The following PSMD6 variants were observed in gnomAD, a reference collection of about 807,000 sequenced individuals.
The protein encoded by PSMD6 is 26S proteasome non-ATPase regulatory subunit 6.
PSMD6 carries 7 observed loss-of-function variants against 44.9 expected under a neutral mutation model. That is an observed-to-expected ratio of 0.16 (90% CI 0.09 to 0.29). The LOEUF (loss-of-function observed/expected upper bound fraction) is 0.29. Ranked by LOEUF, PSMD6 falls within the 10% of genes least tolerant of loss-of-function variation. The pLI is 1.00. For synonymous variants in PSMD6, 184 were observed against 172.7 expected (o/e 1.07, Z -0.51); for missense variants, 420 against 482.6 (o/e 0.87, Z 1.21).
rs200913854 is a variant in PSMD6 at position 64,010,870 on chromosome 3, G to A, written c.1073+8C>T. ...AGGAATGCCCCTTATTCTGAGAAATGAGAGTACCTGTTGGTTTCTACTATT... is the reference window on the plus strand; with the variant it reads ...AGGAATGCCCCTTATTCTGAGAAATAAGAGTACCTGTTGGTTTCTACTATT... On this transcript the variant is annotated splice_region_variant and intron_variant, in intron 7 of 7. Coordinates refer to ENST00000295901, the MANE Select transcript of PSMD6 (RefSeq NM_014814.3). 278 of 1,600,444 alleles carry A rather than the reference G, an allele frequency of 1.7e-4. No homozygotes were observed. The highest frequency in any genetic ancestry group is 2.0e-4 in the Non-Finnish European group (239 of 1,169,876).
rs2076095658 is a variant in PSMD6, at chr3:64,019,362, A to AGATAGAATACAATATCCAATC, written c.410_430dup (p.Arg137_Tyr143dup). On this transcript the variant is annotated inframe_insertion, in exon 3 of 8. Transcript: ENST00000295901. ...CATATAAAATAAGCCAATCCTAAGG[A>AGATAGAATACAATATCCAATC]GATAGAATACAATATCCAATCGGTG... 6.2e-7 allele frequency: 1 copy of AGATAGAATACAATATCCAATC among 1,604,126 alleles called. No homozygotes were observed. Among genetic ancestry groups the AGATAGAATACAATATCCAATC allele is most frequent in the Non-Finnish European group, 8.5e-7 (1 of 1,171,036 alleles).
At chr3:64,013,206 CACTT>C (rs1249270976) in intron 6 of PSMD6, 4 of 413,630 alleles carry the variant, frequency 9.7e-6, no homozygotes, top group Non-Finnish European at 1.7e-5. Flanking sequence ...TTTAACAAAT[CACTT>C]AGCCTCACTA....
In PSMD6 at chr3:64,010,868, A is replaced by G; in HGVS notation, c.1073+10T>C. Reference sequence around the variant, plus strand: ...TTAGGAATGCCCCTTATTCTGAGAAATGAGAGTACCTGTTGGTTTCTACTA... The same window carrying G: ...TTAGGAATGCCCCTTATTCTGAGAAGTGAGAGTACCTGTTGGTTTCTACTA... On this transcript the variant is annotated intron_variant, in intron 7 of 7. Transcript: ENST00000295901. 1.9e-6 allele frequency: 3 copies of G among 1,599,708 alleles called. No homozygotes were observed. Among genetic ancestry groups the G allele is most frequent in the African/African-American group, 2.7e-5 (2 of 74,500 alleles).
Position 64,010,951 on chromosome 3 carries a change from G to C in PSMD6, c.1000C>G (p.Leu334Val). The change falls in exon 7 of 8, where the codon CTG becomes GTG. Residue 334 changes from leucine to valine, a missense_variant. Transcript: ENST00000295901. ...CTCCCGGCAGCAATAAACCTGGACAGTTCCCTAATTTAGAGACAAAAAATA... is the reference window on the plus strand; with the variant it reads ...CTCCCGGCAGCAATAAACCTGGACACTTCCCTAATTTAGAGACAAAAAATA... ...GVGVEFIDQE[L>V]SRFIAAGRLH... The C allele has an allele frequency of 6.3e-7, 1 of 1,594,390 alleles. No individual in the cohort carries two copies. Among genetic ancestry groups the C allele is most frequent in the Non-Finnish European group, 8.5e-7 (1 of 1,169,828 alleles).
intron 2 of PSMD6, chr3:64,019,686 G>C (rs1224211588): frequency 9.9e-6 from 4 of 405,642 alleles, no homozygotes; most frequent in Non-Finnish European, 1.7e-5. Flanking sequence ...CTTAGATTCA[G>C]GAAAACAATT....
At chr3:64,013,646 G>GTTTCAGATAAAAAGATTA in intron 5 of PSMD6, 39 bp from the exon 6 acceptor site, 3 of 1,525,808 alleles carry the variant, frequency 2.0e-6, no homozygotes, top group Non-Finnish European at 2.6e-6. Flanking sequence ...TAGACTCTCC[G>GTTTCAGATAAAAAGATTA]TTTCAGATAA....
At chr3:64,011,146 C>T (rs1414608215) in intron 6 of PSMD6, 191 bp from the exon 7 acceptor site, 1 of 493,220 alleles carries the variant, frequency 2.0e-6, no homozygotes. Flanking sequence ...CTAGAATAAA[C>T]ATGATCCTAG....
intron 1 of PSMD6, 63 bp downstream of exon 1, chr3:64,023,212 G>A: frequency 6.7e-7 from 1 of 1,486,748 alleles, no homozygotes; most frequent in Non-Finnish European, 9.0e-7. Context: ...AGTCCCCGCA[G>A]GCTCCGGAAC....
intron 5 of PSMD6, 75 bp downstream of exon 5, chr3:64,018,524 C>G (rs1482527690): frequency 8.2e-6 from 9 of 1,097,680 alleles, no homozygotes; most frequent in Non-Finnish European, 1.1e-5. Flanking sequence ...GGTGAAAAAT[C>G]GTCTTAGGTT....
At position 64,010,686 on chromosome 3, in the gene PSMD6, G is replaced by GGAAAGTTTTTGAACTCTGTTTAGTAGC; in HGVS notation, c.1125_1151dup (p.Leu376_Ser384dup). 6.3e-7 allele frequency: 1 copy of GGAAAGTTTTTGAACTCTGTTTAGTAGC among 1,599,130 alleles called. No homozygotes were observed. Among genetic ancestry groups the GGAAAGTTTTTGAACTCTGTTTAGTAGC allele is most frequent in the Non-Finnish European group, 8.6e-7 (1 of 1,168,234 alleles). The stretch of plus-strand genomic sequence containing the variant: ...CATGGCTTTACATATTAATTACTCT[G>GGAAAGTTTTTGAACTCTGTTTAGTAGC]GAAAGTTTTTGAACTCTGTTTAGTA... On this transcript the variant is annotated inframe_insertion, in exon 8 of 8. Transcript: ENST00000295901.
chr3:64,018,531 G>C, intron 5 of PSMD6, 68 bp downstream of exon 5: 8 of 1,204,626 alleles, frequency 6.6e-6, no homozygotes, highest in Non-Finnish European at 9.6e-6. Context: ...AATCGTCTTA[G>C]GTTATTTGCA....
chr3:64,012,631 T>C (rs1559673228), intron 6 of PSMD6: 1 of 152,132 alleles, frequency 6.6e-6, no homozygotes, highest in African/African-American at 2.4e-5. Flanking sequence ...ATCCTCAAAA[T>C]CTCCTACCAC....
At chr3:64,023,000 G>A (rs1159202313) in intron 1 of PSMD6, 4 of 1,421,856 alleles carry the variant, frequency 2.8e-6, no homozygotes, top group Non-Finnish European at 3.7e-6. Flanking sequence ...TCTGTGCCTA[G>A]CACAGGGGTA....
chr3:64,017,029 A>G (rs1178319542), intron 5 of PSMD6: 2 of 152,392 alleles, frequency 1.3e-5, no homozygotes, highest in Admixed American at 1.3e-4. Flanking sequence ...GGAACATTAT[A>G]AAGTGAAAGA....
chr3:64,019,271 A>C, intron 3 of PSMD6, 25 bp downstream of exon 3: 1 of 1,548,574 alleles, frequency 6.5e-7, no homozygotes, highest in Non-Finnish European at 8.9e-7. Flanking sequence ...TTTAGAGAAA[A>C]TATAATCCCA....
Position 64,022,404 on chromosome 3 carries a change from C to T in PSMD6, c.265G>A (p.Glu89Lys), listed in dbSNP as rs903606645. 1.9e-6 allele frequency: 3 copies of T among 1,614,250 alleles called. No homozygotes were observed. Among genetic ancestry groups the T allele is most frequent in the Non-Finnish European group, 2.5e-6 (3 of 1,180,042 alleles). Residue 89 changes from glutamate to lysine, a missense_variant, in exon 2 of 8, where the codon GAA becomes AAA. Around this residue, in one of 4 missense-constraint regions of PSMD6, gnomAD observed 136 missense variants for 124.2 expected, o/e 1.09. Coordinates refer to ENST00000295901, the MANE Select transcript of PSMD6 (RefSeq NM_014814.3). ...DELKRLDEELEDAEKNLGESE... is the reference protein window; with the variant it reads ...DELKRLDEELKDAEKNLGESE... The stretch of plus-strand genomic sequence containing the variant: ...TCTCCTAGATTCTTCTCTGCATCTT[C>T]CAGCTCCTCATCCAAACGCTTCAAC...
chr3:64,018,034 ACAATT>A (rs2076074121), intron 5 of PSMD6, among the ~76,000 whole-genome samples: 1 of 152,228 alleles, frequency 6.6e-6, no homozygotes, highest in African/African-American at 2.4e-5. Flanking sequence ...TTGAAGGAAT[ACAATT>A]ACGTTCAAGA....
At chr3:64,023,893 G>C (rs2076175974), upstream of PSMD6, 3 of 1,379,244 alleles carry the variant, frequency 2.2e-6, no homozygotes, top group African/African-American at 2.9e-5. Context: ...TAGTAGGTAA[G>C]ACAAATGAGG....
At chr3:64,015,039 A>G (rs551837380) in intron 5 of PSMD6, 1 of 152,334 alleles carries the variant, frequency 6.6e-6, no homozygotes, top group South Asian at 2.1e-4. Flanking sequence ...AGGCAGATAA[A>G]GATAAGCAAG....
Sources: allele counts gnomAD v4.1 joint callset (sites outside exome capture counted in the v4.1 genomes callset), GRCh38; gene constraint gnomAD v4.1.1; regional missense constraint gnomAD v4.1.1; transcripts MANE v1.5; gene names NCBI Gene and HGNC (gene_info 2026-07-23, HGNC 2026-07-21).